The following WWOX variants were observed in gnomAD, a reference collection of about 807,000 sequenced individuals.
The protein encoded by WWOX is WW domain containing oxidoreductase, also known as WW domain-containing oxidoreductase.
Under a neutral mutation model 46.2 loss-of-function variants are expected in WWOX, and 69 were observed. The ratio of observed to expected loss-of-function variants is 1.49; its 90% CI spans 1.23 to 1.82. The LOEUF is 1.82. WWOX is among the 40% of genes most tolerant of loss of function. The pLI, the probability that WWOX is intolerant of heterozygous loss-of-function variation, is 0.00. For missense variants in WWOX, 919 were observed against 542.6 expected (o/e 1.69, Z -6.89); for synonymous variants, 359 against 202.6 (o/e 1.77, Z -6.56).
chr16:78,688,427 T>C (rs1406315947), intron 8 of WWOX, among the ~76,000 whole-genome samples: 2 of 151,714 alleles, frequency 1.3e-5, no homozygotes, highest in African/African-American at 4.8e-5. Context: ...ATGCACTAAG[T>C]CTCATTCACT....
chr16:78,866,060 A>G (rs558166304), intron 8 of WWOX, among the ~76,000 whole-genome samples: 1 of 152,354 alleles, frequency 6.6e-6, no homozygotes, highest in South Asian at 2.1e-4. Context: ...CATTGCTCCA[A>G]GGTGCAGATT....
intron 8 of WWOX, among the ~76,000 whole-genome samples, chr16:78,507,182 C>A (rs753047858): frequency 8.5e-5 from 13 of 152,148 alleles, no homozygotes; most frequent in Non-Finnish European, 1.8e-4. Context: ...ATTGAGGAGA[C>A]AGAACATGAG....
intron 8 of WWOX, among the ~76,000 whole-genome samples, chr16:79,053,659 T>C (rs1310834430): frequency 1.3e-5 from 2 of 152,222 alleles, no homozygotes; most frequent in Non-Finnish European, 2.9e-5. Flanking sequence ...AAAACAACTT[T>C]ACAAATTGGT....
chr16:78,997,783 T>C (rs2047019001), intron 8 of WWOX, among the ~76,000 whole-genome samples: 1 of 152,166 alleles, frequency 6.6e-6, no homozygotes, highest in Non-Finnish European at 1.5e-5. Context: ...CAACCAAGTA[T>C]GGGATGGGGA....
intron 8 of WWOX, among the ~76,000 whole-genome samples, chr16:78,455,643 C>CAAAAAA (rs57754374): frequency 5.0e-5 from 3 of 60,516 alleles, no homozygotes; most frequent in Admixed American, 2.7e-4. Context: ...GACTCTGTCT[C>CAAAAAA]AAAAAAAAAA....
intron 8 of WWOX, among the ~76,000 whole-genome samples, chr16:78,708,267 A>C (rs531508617): frequency 3.3e-5 from 5 of 152,208 alleles, no homozygotes; most frequent in Non-Finnish European, 7.3e-5. Context: ...TTAAAAATGT[A>C]TCCCATGCAG....
chr16:78,601,435 C>G (rs1427371321), intron 8 of WWOX, among the ~76,000 whole-genome samples: 1 of 78,462 alleles, frequency 1.3e-5, no homozygotes. Context: ...AATTCCCCAG[C>G]AGAGAGAAAA....
intron 8 of WWOX, among the ~76,000 whole-genome samples, chr16:78,920,778 A>G (rs2881483): frequency 0.77 from 117,783 of 152,120 alleles, 48,199 homozygotes; most frequent in East Asian, 0.94. Context: ...TTCTCTTCTT[A>G]TTACGCTGAG....
At chr16:78,778,242 C>A (rs193285246) in intron 8 of WWOX, among the ~76,000 whole-genome samples, 1 of 152,132 alleles carries the variant, frequency 6.6e-6, no homozygotes, top group Admixed American at 6.6e-5. Context: ...AACCTCCCAT[C>A]CCCTGTGTCT....
intron 5 of WWOX, among the ~76,000 whole-genome samples, chr16:78,205,597 C>G: frequency 6.6e-6 from 1 of 151,858 alleles, no homozygotes; most frequent in Non-Finnish European, 1.5e-5. Flanking sequence ...ACCCACCCAT[C>G]CATACACACT....
At position 78,135,628 on chromosome 16, in the gene WWOX, A is replaced by G. The variant is rs1029392875; in HGVS notation, c.409+20474A>G. Among the ~76,000 whole-genome samples the G allele has an allele frequency of 6.6e-5, 10 of 152,060 alleles. 1 individual carries two copies. The highest frequency in any genetic ancestry group is 2.4e-4 in the African/African-American group (10 of 41,382). ...CTAAATCAGGCTTTCTTTTCTTTCTACTAAATTTTTCAATTACCAATAGGC... is the reference window on the plus strand; with the variant it reads ...CTAAATCAGGCTTTCTTTTCTTTCTGCTAAATTTTTCAATTACCAATAGGC... On this transcript the variant is annotated intron_variant, in intron 4 of 8. Coordinates refer to ENST00000566780, the MANE Select transcript of WWOX (RefSeq NM_016373.4).
At chr16:78,282,025 C>T (rs1039982578) in intron 5 of WWOX, among the ~76,000 whole-genome samples, 4 of 152,174 alleles carry the variant, frequency 2.6e-5, no homozygotes, top group African/African-American at 9.7e-5. Context: ...TCCCCACTAC[C>T]CTTGGCCCAA....
intron 8 of WWOX, among the ~76,000 whole-genome samples, chr16:78,644,743 G>A (rs767521850): frequency 3.9e-5 from 6 of 152,192 alleles, no homozygotes; most frequent in African/African-American, 7.2e-5. Context: ...GATTACAGGC[G>A]TGAGCCACTG....
chr16:78,767,470 G>A (rs2049950383), intron 8 of WWOX, among the ~76,000 whole-genome samples: 1 of 109,420 alleles, frequency 9.1e-6, no homozygotes, highest in Non-Finnish European at 2.0e-5. Flanking sequence ...TTCTGTGTGA[G>A]TGTGTGTGTG....
chr16:78,501,986 A>G (rs544676585), intron 8 of WWOX, among the ~76,000 whole-genome samples: 1 of 152,142 alleles, frequency 6.6e-6, no homozygotes, highest in South Asian at 2.1e-4. Flanking sequence ...TTCTGGGGGC[A>G]TGGACCTGAG....
chr16:78,253,806 T>G (rs1396286760), intron 5 of WWOX, among the ~76,000 whole-genome samples: 2 of 152,200 alleles, frequency 1.3e-5, no homozygotes, highest in Non-Finnish European at 2.9e-5. Flanking sequence ...AGAGATTAAT[T>G]GTAGGAGCTA....
chr16:78,630,675 T>C (rs1438529891), intron 8 of WWOX, among the ~76,000 whole-genome samples: 1 of 152,194 alleles, frequency 6.6e-6, no homozygotes, highest in African/African-American at 2.4e-5. Context: ...CATTTTGCCT[T>C]GCATCCTTTT....
At chr16:79,003,471 A>G (rs1315260099) in intron 8 of WWOX, among the ~76,000 whole-genome samples, 1 of 152,196 alleles carries the variant, frequency 6.6e-6, no homozygotes, top group African/African-American at 2.4e-5. Flanking sequence ...GTAAAACGAC[A>G]ACAGTTTTAT....
chr16:78,569,842 G>C (rs2044669012), intron 8 of WWOX, among the ~76,000 whole-genome samples: 1 of 152,172 alleles, frequency 6.6e-6, no homozygotes, highest in Admixed American at 6.5e-5. Context: ...TTCGTAATAT[G>C]ATGTGACCTC....
Sources: gnomAD v4.1 joint callset for allele counts (sites outside exome capture counted in the v4.1 genomes callset) on GRCh38, gnomAD v4.1.1 for gene constraint, MANE v1.5 for transcripts, NCBI Gene and HGNC (gene_info 2026-07-23, HGNC 2026-07-21) for gene names.